DDX60L: variants seen among roughly 807,000 people sequenced by gnomAD.
DDX60L encodes DExD/H-box 60 like.
In DDX60L, 191 loss-of-function variants were observed where a neutral mutation model predicts 211.6. That is an observed-to-expected ratio of 0.90 (90% CI 0.80 to 1.02). The LOEUF (loss-of-function observed/expected upper bound fraction) is 1.02, where lower values mean the gene tolerates loss of function less well. Among genes scored for constraint, DDX60L ranks in the 50% least tolerant of loss-of-function variants. The pLI, the probability that DDX60L is intolerant of heterozygous loss-of-function variation, is 0.00. For synonymous variants in DDX60L, 706 were observed against 694.1 expected (o/e 1.02, Z -0.27); for missense variants, 2,007 against 1,984.1 (o/e 1.01, Z -0.22).
At chr4:168,455,369 C>T (rs766083554) in intron 7 of DDX60L, among the ~76,000 whole-genome samples, 1 of 151,216 alleles carries the variant, frequency 6.6e-6, no homozygotes, top group Admixed American at 6.6e-5. Context: ...TCCTAAAGGG[C>T]CCTATAAGCT....
At chr4:168,452,420 G>A (rs968338578) in intron 8 of DDX60L, among the ~76,000 whole-genome samples, 1 of 152,122 alleles carries the variant, frequency 6.6e-6, no homozygotes, top group Non-Finnish European at 1.5e-5. Flanking sequence ...TCACTCAAAC[G>A]TATTTAGTAG....
intron 36 of DDX60L, among the ~76,000 whole-genome samples, chr4:168,361,900 C>T (rs138257706): frequency 2.0e-5 from 3 of 152,332 alleles, no homozygotes; most frequent in African/African-American, 4.8e-5. Context: ...CCTTCATGAC[C>T]TAAGCAGCTA....
At chr4:168,379,558 A>G (rs934219739) in intron 31 of DDX60L, 54 bp from the exon 32 acceptor site, 9 of 1,372,352 alleles carry the variant, frequency 6.6e-6, no homozygotes, top group African/African-American at 5.9e-5. Flanking sequence ...CAAATACCAT[A>G]AAATACCAGT....
intron 19 of DDX60L, among the ~76,000 whole-genome samples, chr4:168,417,464 A>G (rs529531359): frequency 6.6e-6 from 1 of 152,294 alleles, no homozygotes; most frequent in Non-Finnish European, 1.5e-5. Flanking sequence ...TTATCCCTGC[A>G]AAGCCCAGCT....
chr4:168,477,240 C>G (rs1458305030), intron 1 of DDX60L, among the ~76,000 whole-genome samples: 1 of 151,968 alleles, frequency 6.6e-6, no homozygotes, highest in Non-Finnish European at 1.5e-5. Flanking sequence ...ATGGTGAAAC[C>G]CTGTCTCTAC....
chr4:168,391,457 C>A, intron 29 of DDX60L, 83 bp downstream of exon 29: 4 of 888,602 alleles, frequency 4.5e-6, no homozygotes, highest in Non-Finnish European at 7.3e-6. Context: ...CAAACCGTAG[C>A]CTGTTACCAG....
intron 36 of DDX60L, among the ~76,000 whole-genome samples, chr4:168,365,378 C>T (rs1275913045): frequency 6.6e-6 from 1 of 151,852 alleles, no homozygotes; most frequent in Admixed American, 6.6e-5. Context: ...TAATAAGATA[C>T]TATTATCAAC....
chr4:168,363,028 A>G (rs1304636143), intron 36 of DDX60L, among the ~76,000 whole-genome samples: 2 of 152,316 alleles, frequency 1.3e-5, no homozygotes, highest in East Asian at 1.9e-4. Flanking sequence ...AACTGTCAAA[A>G]GTCAAAGACA....
At chr4:168,371,203 G>C (rs1211185500) in intron 36 of DDX60L, among the ~76,000 whole-genome samples, 1 of 150,968 alleles carries the variant, frequency 6.6e-6, no homozygotes, top group Non-Finnish European at 1.5e-5. Flanking sequence ...ATTTAGTATA[G>C]TTTATTACTA....
chr4:168,395,275 ATTG>A (rs965694819), intron 27 of DDX60L, among the ~76,000 whole-genome samples: 1 of 152,174 alleles, frequency 6.6e-6, no homozygotes, highest in African/African-American at 2.4e-5. Flanking sequence ...ATGTAGCTCT[ATTG>A]TTGTTGGCAA....
intron 30 of DDX60L, among the ~76,000 whole-genome samples, chr4:168,382,822 G>A (rs957650741): frequency 2.6e-5 from 4 of 152,078 alleles, no homozygotes; most frequent in African/African-American, 9.7e-5. Flanking sequence ...GTTAGCAAGT[G>A]CTTTTCCCAT....
Position 168,461,759 on chromosome 4 carries a change from A to G in DDX60L, c.546T>C (p.Thr182=). 6 of 1,602,426 alleles carry G rather than the reference A, an allele frequency of 3.7e-6. No individual in the cohort carries two copies. Among genetic ancestry groups the G allele is most frequent in the Non-Finnish European group, 5.1e-6 (6 of 1,173,074 alleles). Residue 182 remains threonine (T), a synonymous_variant, in exon 5 of 38, where the codon ACT becomes ACC. Transcript: ENST00000682922. The part of the protein sequence containing the change: ...VVLSSGHESD[T]LRFYAYTMES... ...CCATAGTATATGCATAAAATCTGAG[A>G]GTATCAGATTCATGCCCTGATGAAA...
At chr4:168,385,877 A>C (rs1200562081) in intron 29 of DDX60L, among the ~76,000 whole-genome samples, 1 of 152,100 alleles carries the variant, frequency 6.6e-6, no homozygotes, top group African/African-American at 2.4e-5. Flanking sequence ...AAAGAAACAC[A>C]AATGGAATCT....
chr4:168,364,743 T>C (rs1438393125), intron 36 of DDX60L, among the ~76,000 whole-genome samples: 1 of 152,180 alleles, frequency 6.6e-6, no homozygotes, highest in South Asian at 2.1e-4. Context: ...CAACCGTACA[T>C]GGAACATTCT....
chr4:168,433,937 A>G (rs1470704526), intron 10 of DDX60L, among the ~76,000 whole-genome samples: 1 of 152,074 alleles, frequency 6.6e-6, no homozygotes, highest in African/African-American at 2.4e-5. Flanking sequence ...AACAACCATT[A>G]TTTTGTCTCA....
In DDX60L at chr4:168,432,479, C is replaced by T. The variant is rs1245634788; in HGVS notation, c.1492G>A (p.Asp498Asn). The change falls in exon 12 of 38, where the codon GAC becomes AAC. Residue 498 changes from aspartate (D) to asparagine (N), a missense_variant. By Grantham distance (23) the Asp-to-Asn change is conservative. Transcript: ENST00000682922. ...CCATCAACATGACATTTGATCCTGT[C>T]ATAGTCGTCACTAAGGAGTCTTTGA... ...HAQRLLSDDY[D>N]RIKCHVDEQS... 1 of 1,578,320 alleles carries T rather than the reference C, an allele frequency of 6.3e-7. No individual in the cohort carries two copies.
chr4:168,435,599 C>T (rs183515978), intron 10 of DDX60L, among the ~76,000 whole-genome samples: 17 of 151,206 alleles, frequency 1.1e-4, no homozygotes, highest in African/African-American at 3.5e-4. Context: ...ACGCAGCTAT[C>T]GAGCTGGCAA....
intron 12 of DDX60L, among the ~76,000 whole-genome samples, chr4:168,431,983 T>A (rs1397833223): frequency 6.6e-6 from 1 of 152,154 alleles, no homozygotes; most frequent in Admixed American, 6.5e-5. Context: ...TTAGGAAGAC[T>A]ATGGCTGTAT....
intron 30 of DDX60L, 121 bp downstream of exon 30, chr4:168,384,491 A>C: frequency 1.6e-6 from 2 of 1,287,964 alleles, no homozygotes; most frequent in South Asian, 2.8e-5. Context: ...TGTCTCCAAA[A>C]CAATCAAACA....
Sources: allele counts gnomAD v4.1 joint callset (sites outside exome capture counted in the v4.1 genomes callset), GRCh38; gene constraint gnomAD v4.1.1; transcripts MANE v1.5; gene names NCBI Gene and HGNC (gene_info 2026-07-23, HGNC 2026-07-21).